The following DRC8 variants were observed in gnomAD, a reference collection of about 807,000 sequenced individuals.
DRC8 encodes the protein dynein regulatory complex subunit 8, also known as dynein regulatory complex protein 8.
chr1:245,025,260 A>G, the DRC8 span, among the ~76,000 whole-genome samples: 1 of 152,208 alleles, frequency 6.6e-6, no homozygotes, highest in Non-Finnish European at 1.5e-5. Context: ...TTTGAAAATG[A>G]CTCTAATCTT....
the DRC8 span, among the ~76,000 whole-genome samples, chr1:244,976,935 G>A: frequency 6.6e-6 from 1 of 152,220 alleles, no homozygotes; most frequent in Non-Finnish European, 1.5e-5. Context: ...TGGTATATAC[G>A]TGTAGTGAAA....
At chr1:244,981,774 G>A in the DRC8 span, among the ~76,000 whole-genome samples, 9 of 152,282 alleles carry the variant, frequency 5.9e-5, 1 homozygote, top group South Asian at 1.4e-3. Flanking sequence ...GGAACCCCAC[G>A]GGGTTATTCT....
At chr1:245,121,000 T>C in the DRC8 span, among the ~76,000 whole-genome samples, 1 of 152,256 alleles carries the variant, frequency 6.6e-6, no homozygotes, top group Non-Finnish European at 1.5e-5. Flanking sequence ...AAGCATAGAC[T>C]TCTACTTTTA....
chr1:244,991,026 ACC>A, the DRC8 span, among the ~76,000 whole-genome samples: 1 of 152,086 alleles, frequency 6.6e-6, no homozygotes, highest in African/African-American at 2.4e-5. Flanking sequence ...GTCCCACAAG[ACC>A]ATTCCCTAGG....
the DRC8 span, among the ~76,000 whole-genome samples, chr1:245,002,456 G>A: frequency 1.4e-3 from 211 of 152,244 alleles, no homozygotes; most frequent in African/African-American, 4.4e-3. Flanking sequence ...CCCACCTTGC[G>A]TACTCTCATT....
chr1:244,978,628 T>C, the DRC8 span, among the ~76,000 whole-genome samples: 1 of 152,150 alleles, frequency 6.6e-6, no homozygotes, highest in Non-Finnish European at 1.5e-5. Flanking sequence ...TAGCTGGGAC[T>C]GCAGGGGCGT....
At chr1:245,119,716 A>C in the DRC8 span, among the ~76,000 whole-genome samples, 1 of 151,986 alleles carries the variant, frequency 6.6e-6, no homozygotes, top group Non-Finnish European at 1.5e-5. Context: ...TGCGGATCAC[A>C]AGGTCAGGAG....
chr1:244,976,722 G>C, the DRC8 span, among the ~76,000 whole-genome samples: 1 of 152,220 alleles, frequency 6.6e-6, no homozygotes, highest in Admixed American at 6.5e-5. Flanking sequence ...ACTATGGAAA[G>C]TGGTATGGCG....
chr1:245,045,855 G>T, the DRC8 span, among the ~76,000 whole-genome samples: 42 of 152,282 alleles, frequency 2.8e-4, no homozygotes, highest in East Asian at 7.1e-3. Context: ...CAGTCAGTCT[G>T]GTTTGTTGCA....
At chr1:245,004,900 A>G in the DRC8 span, among the ~76,000 whole-genome samples, 1 of 152,244 alleles carries the variant, frequency 6.6e-6, no homozygotes, top group African/African-American at 2.4e-5. Flanking sequence ...GTACATATTT[A>G]TGGAGCACAG....
the DRC8 span, among the ~76,000 whole-genome samples, chr1:245,105,587 C>T: frequency 4.6e-4 from 66 of 142,260 alleles, no homozygotes; most frequent in Admixed American, 6.9e-4. Flanking sequence ...CACACCATTG[C>T]GCTTCAGCCT....
the DRC8 span, among the ~76,000 whole-genome samples, chr1:245,088,310 A>G: frequency 7.8e-6 from 1 of 127,454 alleles, no homozygotes; most frequent in Non-Finnish European, 1.7e-5. The surrounding 1 kb of genome is among the most constrained non-coding windows in gnomAD (Gnocchi z 4.6). Flanking sequence ...ATTCTGTTAT[A>G]ACAAGACACA....
chr1:244,985,963 A>G, the DRC8 span, among the ~76,000 whole-genome samples: 1 of 149,198 alleles, frequency 6.7e-6, no homozygotes, highest in Non-Finnish European at 1.5e-5. Flanking sequence ...TCTTTCTTTT[A>G]TTTTTTTTTC....
chr1:245,008,234 T>C, the DRC8 span, among the ~76,000 whole-genome samples: 1 of 152,296 alleles, frequency 6.6e-6, no homozygotes, highest in East Asian at 1.9e-4. Context: ...TGGCACACAA[T>C]ATCTGGTAAA....
At chr1:245,036,690 A>G in the DRC8 span, among the ~76,000 whole-genome samples, 1 of 152,236 alleles carries the variant, frequency 6.6e-6, no homozygotes, top group African/African-American at 2.4e-5. Context: ...GTGTGTTACA[A>G]CGCGGATGAA....
the DRC8 span, chr1:245,091,348 G>A: frequency 0.8 from 121,832 of 152,396 alleles, 51,094 homozygotes; most frequent in Non-Finnish European, 0.91. Context: ...CTAGCGCCCA[G>A]TGCGTCGACC....
the DRC8 span, among the ~76,000 whole-genome samples, chr1:245,046,096 TCA>T: frequency 6.6e-6 from 1 of 152,194 alleles, no homozygotes; most frequent in Non-Finnish European, 1.5e-5. Flanking sequence ...ATTCAAAGTT[TCA>T]TTTAGTAGAA....
At chr1:244,991,276 A>G in the DRC8 span, among the ~76,000 whole-genome samples, 1 of 152,308 alleles carries the variant, frequency 6.6e-6, no homozygotes, top group East Asian at 1.9e-4. Flanking sequence ...CAGGTACCCC[A>G]GCTGAGGAGC....
chr1:244,970,828 G>C, the DRC8 span: 11 of 317,508 alleles, frequency 3.5e-5, no homozygotes, highest in African/African-American at 2.0e-4. Flanking sequence ...CGCGGGCTGC[G>C]CCGGAGGCGC....
Sources: allele counts gnomAD v4.1 joint callset (sites outside exome capture counted in the v4.1 genomes callset), GRCh38; gene constraint gnomAD v4.1.1; non-coding constraint Gnocchi (gnomAD v3.1); transcripts MANE v1.5; gene names NCBI Gene and HGNC (gene_info 2026-07-23, HGNC 2026-07-21).